COMMD8: variants seen among roughly 807,000 people sequenced by gnomAD.
The protein encoded by COMMD8 is COMM domain containing 8.
A neutral mutation model predicts 27.2 loss-of-function variants in COMMD8; 28 were observed. The observed-to-expected ratio is 1.03, with a 90% confidence interval of 0.76 to 1.41. The LOEUF is 1.41. Ranked by LOEUF, COMMD8 falls within the 40% of genes most tolerant of loss-of-function variation. The pLI is 0.00. For missense variants in COMMD8, 217 were observed against 211.2 expected, an observed-to-expected ratio of 1.03 and a Z score of -0.17; for synonymous variants, 79 against 75.5, an observed-to-expected ratio of 1.05 and a Z score of -0.24.
chr4:47,451,170 T>C lies in COMMD8; in HGVS notation c.*475A>G, dbSNP rs1003160631. ...TTTCCTCTGAAATATGAGAAAGACA[T>C]GGAATCTCCTGAGTTATATATGCAG... On this transcript the variant is annotated 3_prime_UTR_variant, in exon 5 of 5. Transcript: ENST00000381571. The C allele has an allele frequency of 2.0e-5, 3 of 152,728 alleles. No individual in the cohort carries two copies. In the Admixed American group the frequency reaches 2.0e-4, roughly 10 times the overall value. 9.5% of individuals were successfully genotyped at this position (152,728 alleles called of 1,614,324 possible). A position where few individuals can be genotyped will look rare whatever the true frequency, so the allele number is the denominator to read the frequency against.
At chr4:47,462,037 G>T (rs901827058) in intron 1 of COMMD8, among the ~76,000 whole-genome samples, 7 of 152,098 alleles carry the variant, frequency 4.6e-5, no homozygotes, top group Non-Finnish European at 4.4e-5. Context: ...ATTTTGGGGG[G>T]TGCCTAGGGG....
chr4:47,463,583 C>A lies in COMMD8; in HGVS notation c.66+3G>T, dbSNP rs1050784071. ...CGCCGCTTCCCCCGGTACCCGCCCT[C>A]ACCTGCGGGCCCAGCTCGGCCGGCA... On this transcript the variant is annotated splice_donor_region_variant and intron_variant, in intron 1 of 4. Transcript: ENST00000381571. 4 of 1,544,372 alleles carry A rather than the reference C, an allele frequency of 2.6e-6. No individual in the cohort carries two copies. The highest frequency in any genetic ancestry group is 3.9e-5 in the Admixed American group (2 of 50,854).
chr4:47,463,402 C>T (rs1730117552), intron 1 of COMMD8, among the ~76,000 whole-genome samples, 184 bp downstream of exon 1: 1 of 152,252 alleles, frequency 6.6e-6, no homozygotes, highest in Non-Finnish European at 1.5e-5. Flanking sequence ...CTGGGGGTGG[C>T]GCCCCAAGCT....
At chr4:47,457,186 A>G (rs1416127550) in intron 2 of COMMD8, among the ~76,000 whole-genome samples, 1 of 152,238 alleles carries the variant, frequency 6.6e-6, no homozygotes, top group African/African-American at 2.4e-5. Context: ...ATGCATTTCA[A>G]ATAAGGGATA....
chr4:47,462,525 GGTTTT>G (rs1048195945), intron 1 of COMMD8, among the ~76,000 whole-genome samples: 11 of 152,230 alleles, frequency 7.2e-5, no homozygotes, highest in Middle Eastern at 3.4e-3. Flanking sequence ...GGGTTTTTGG[GGTTTT>G]GTTTTGTTTT....
intron 1 of COMMD8, among the ~76,000 whole-genome samples, chr4:47,460,946 C>T (rs974449765): frequency 6.6e-5 from 10 of 152,176 alleles, no homozygotes; most frequent in African/African-American, 2.4e-4. Context: ...ATTAAGACTA[C>T]GGATTTTGGA....
chr4:47,459,803 AG>A (rs761633607), intron 2 of COMMD8: 1 of 173,702 alleles, frequency 5.8e-6, no homozygotes, highest in Non-Finnish European at 1.2e-5. Flanking sequence ...GATATCCAGG[AG>A]GGGGATAAGG....
At chr4:47,456,813 G>T in intron 2 of COMMD8, 84 bp from the exon 3 acceptor site, 1 of 986,342 alleles carries the variant, frequency 1.0e-6, no homozygotes, top group Non-Finnish European at 1.5e-6. Context: ...CACTTTTAAA[G>T]CAACAGTAAA....
At chr4:47,457,498 C>T (rs1175130753) in intron 2 of COMMD8, among the ~76,000 whole-genome samples, 1 of 152,100 alleles carries the variant, frequency 6.6e-6, no homozygotes, top group African/African-American at 2.4e-5. Context: ...CTAACCTTAG[C>T]AATATATAGA....
At chr4:47,459,912 A>T in intron 2 of COMMD8, 1 of 368,056 alleles carries the variant, frequency 2.7e-6, no homozygotes, top group Admixed American at 4.7e-5. Flanking sequence ...TGTAGGTGTC[A>T]GTTATATAAT....
chr4:47,463,106 A>G (rs1244647839), intron 1 of COMMD8, among the ~76,000 whole-genome samples: 1 of 152,170 alleles, frequency 6.6e-6, no homozygotes, highest in Non-Finnish European at 1.5e-5. Context: ...CAATGGGTAC[A>G]TCACCTCTTG....
At chr4:47,463,522 A>T in intron 1 of COMMD8, 64 bp downstream of exon 1, 1 of 1,472,108 alleles carries the variant, frequency 6.8e-7, no homozygotes, top group Non-Finnish European at 9.2e-7. Context: ...ACCCGGCCTG[A>T]TCCGCACGCC....
Position 47,460,265 on chromosome 4 carries a change from C to G in COMMD8, c.101G>C (p.Arg34Pro). Reference protein sequence around the residue: ...LHKIIDGICGRAYPVYQDYHT... With the variant: ...LHKIIDGICGPAYPVYQDYHT... Reference sequence around the variant, plus strand: ...ATAATCTTGGTACACAGGATAAGCTCGACCACAAATGCCATCAATTATTTT... The same window carrying G: ...ATAATCTTGGTACACAGGATAAGCTGGACCACAAATGCCATCAATTATTTT... The change falls in exon 2 of 5, where the codon CGA (arginine) becomes CCA (proline). Residue 34 changes from arginine to proline, a missense_variant. Coordinates refer to ENST00000381571, the MANE Select transcript of COMMD8 (RefSeq NM_017845.5). 6.2e-7 allele frequency: 1 copy of G among 1,611,396 alleles called. No homozygotes were observed. The highest frequency in any genetic ancestry group is 1.1e-5 in the South Asian group (1 of 90,502).
In COMMD8 at chr4:47,463,665, T is replaced by C; in HGVS notation, c.-14A>G. The C allele has an allele frequency of 1.3e-6, 2 of 1,546,670 alleles. No homozygotes were observed. Among genetic ancestry groups the C allele is most frequent in the Non-Finnish European group, 1.7e-6 (2 of 1,144,982 alleles). On this transcript the variant is annotated 5_prime_UTR_variant, in exon 1 of 5. Transcript: ENST00000381571. ...TTCCGGCTCCATCCCTGCGCGAAGCTGGGGCTTGGGTCACGTGTCAAGGCT... is the reference window on the plus strand; with the variant it reads ...TTCCGGCTCCATCCCTGCGCGAAGCCGGGGCTTGGGTCACGTGTCAAGGCT...
intron 2 of COMMD8, 140 bp from the exon 3 acceptor site, chr4:47,456,869 G>T: frequency 1.6e-6 from 1 of 613,982 alleles, no homozygotes; most frequent in Non-Finnish European, 2.6e-6. Context: ...AGTAAGATGA[G>T]AATGAATAAC....
intron 2 of COMMD8, among the ~76,000 whole-genome samples, chr4:47,457,073 T>C (rs1330535145): frequency 2.0e-5 from 3 of 152,326 alleles, no homozygotes; most frequent in East Asian, 3.9e-4. Context: ...CTCATTTGAA[T>C]AGTTGAGATT....
At chr4:47,452,703 T>C (rs948789335) in intron 4 of COMMD8, among the ~76,000 whole-genome samples, 9 of 152,274 alleles carry the variant, frequency 5.9e-5, no homozygotes, top group Admixed American at 5.2e-4. Context: ...CAATCAAAAC[T>C]TAAAACATTT....
rs1729895451 is a variant in COMMD8 at position 47,456,560 on chromosome 4, T to C, written c.375+17A>G. On this transcript the variant is annotated intron_variant, in intron 3 of 4. Coordinates refer to ENST00000381571, the MANE Select transcript of COMMD8 (RefSeq NM_017845.5). ...CAAAAAATGAAATAAAAAATACACA[T>C]ACTCATAGACTCTTACCTTTACCTG... is the stretch of plus-strand genomic sequence containing the variant. The C allele has an allele frequency of 1.3e-6, 2 of 1,540,686 alleles. No individual in the cohort carries two copies. Among genetic ancestry groups the C allele is most frequent in the Non-Finnish European group, 1.7e-6 (2 of 1,149,732 alleles).
chr4:47,451,526 T>A lies in COMMD8; in HGVS notation c.*119A>T. 3.9e-6 allele frequency: 3 copies of A among 759,774 alleles called. No homozygotes were observed. The Admixed American group carries it at 7.3e-5, about 19-fold the overall frequency. The allele number at this position is 759,774 out of a possible 1,614,324, so 47.1% of individuals were successfully genotyped here. The stretch of plus-strand genomic sequence containing the variant: ...TTTATCTTTATAATATCAATATTGC[T>A]GCTTTCTCAGCCTGGTGCAACAGTC... On this transcript the variant is annotated 3_prime_UTR_variant, in exon 5 of 5. Coordinates refer to ENST00000381571, the MANE Select transcript of COMMD8 (RefSeq NM_017845.5).
Sources: allele counts gnomAD v4.1 joint callset (sites outside exome capture counted in the v4.1 genomes callset), GRCh38; gene constraint gnomAD v4.1.1; transcripts MANE v1.5; gene names NCBI Gene and HGNC (gene_info 2026-07-23, HGNC 2026-07-21).